DYNC2H1: variants seen among roughly 807,000 people sequenced by gnomAD.
The protein encoded by DYNC2H1 is dynein cytoplasmic 2 heavy chain 1.
In DYNC2H1, 410 loss-of-function variants were observed where a neutral mutation model predicts 570.0. The observed-to-expected ratio is 0.72, with a 90% confidence interval of 0.66 to 0.78. The LOEUF is 0.78. Ranked by LOEUF, DYNC2H1 falls within the 30% of genes least tolerant of loss-of-function variation. DYNC2H1 has a pLI of 0.00. For synonymous variants in DYNC2H1, 1,688 were observed against 1,677.6 expected, an observed-to-expected ratio of 1.01 and a Z score of -0.15; for missense variants, 4,865 against 5,046.4, an observed-to-expected ratio of 0.96 and a Z score of 1.09.
chr11:103,440,563 A>G (rs1274103995), intron 85 of DYNC2H1, among the ~76,000 whole-genome samples: 2 of 152,160 alleles, frequency 1.3e-5, no homozygotes, highest in East Asian at 3.8e-4. Context: ...TCTAAGCAAT[A>G]AATAGCATTA....
intron 83 of DYNC2H1, among the ~76,000 whole-genome samples, chr11:103,377,367 ACT>A (rs1019925935): frequency 9.3e-5 from 14 of 150,952 alleles, no homozygotes; most frequent in African/African-American, 2.7e-4. Context: ...AAGTTCAGAG[ACT>A]CTTTTTTTCT....
chr11:103,232,352 A>G (rs956738360), intron 60 of DYNC2H1, among the ~76,000 whole-genome samples: 13 of 152,118 alleles, frequency 8.5e-5, no homozygotes, highest in African/African-American at 2.6e-4. Flanking sequence ...TTGAGCAGCT[A>G]GTAAAATACT....
chr11:103,470,147 A>G lies in DYNC2H1; in HGVS notation c.12765+1442A>G, dbSNP rs148260304. Among the ~76,000 whole-genome samples, 690 of 152,302 alleles carry G rather than the reference A, an allele frequency of 4.5e-3. 5 individuals carry two copies. Among genetic ancestry groups the G allele is most frequent in the African/African-American group, 0.015 (644 of 41,574 alleles). On this transcript the variant is annotated intron_variant, in intron 88 of 88. Coordinates refer to ENST00000375735, the MANE Select transcript of DYNC2H1 (RefSeq NM_001377.3). The stretch of plus-strand genomic sequence containing the variant: ...GAGCCATACCCACGTACTGAACGCA[A>G]ATCAGGAATGCAGTGCTGTCATGGA...
chr11:103,413,003 A>AC (rs141707983), intron 84 of DYNC2H1, among the ~76,000 whole-genome samples: 8,070 of 151,694 alleles, frequency 0.053, 265 homozygotes, highest in Non-Finnish European at 0.077. Flanking sequence ...TTCTTGTACC[A>AC]CCCCCCACCT....
intron 84 of DYNC2H1, among the ~76,000 whole-genome samples, chr11:103,416,378 C>T (rs984481707): frequency 6.6e-6 from 1 of 152,110 alleles, no homozygotes; most frequent in Non-Finnish European, 1.5e-5. Context: ...ATAGCCAAGA[C>T]AATCCTAAGC....
At chr11:103,397,293 T>C (rs1942439215) in intron 83 of DYNC2H1, among the ~76,000 whole-genome samples, 1 of 151,746 alleles carries the variant, frequency 6.6e-6, no homozygotes, top group Non-Finnish European at 1.5e-5. Flanking sequence ...TACAATTCAA[T>C]CAATTGTATT....
intron 70 of DYNC2H1, among the ~76,000 whole-genome samples, chr11:103,269,303 C>T (rs959487820): frequency 3.9e-5 from 6 of 152,158 alleles, no homozygotes; most frequent in Non-Finnish European, 7.4e-5. Flanking sequence ...TCAGAAAGCA[C>T]ATTAATCATA....
chr11:103,170,120 A>G lies in DYNC2H1; in HGVS notation c.4981A>G (p.Lys1661Glu). The G allele has an allele frequency of 6.2e-7, 1 of 1,611,172 alleles. No individual in the cohort carries two copies. Among genetic ancestry groups the G allele is most frequent in the Non-Finnish European group, 8.5e-7 (1 of 1,178,610 alleles). Residue 1661 changes from lysine to glutamate, a missense_variant, in exon 33 of 89, where the codon AAA becomes GAA. This residue lies in a region of DYNC2H1 where 1,936 missense variants were observed against 1,962.1 expected (regional missense o/e 0.99). Transcript: ENST00000375735. The surrounding 1 kb of genome is among the most constrained non-coding windows in gnomAD (Gnocchi z 4.8). Reference protein sequence around the residue: ...YTYEYQGNASKLVYTPLTDKC... With the variant: ...YTYEYQGNASELVYTPLTDKC... ...TGTTCTTGTATAGGGTAATGCTTCC[A>G]AACTGGTTTATACTCCACTGACAGA...
Position 103,187,411 on chromosome 11 carries a change from C to A in DYNC2H1, c.6965C>A (p.Thr2322Asn), listed in dbSNP as rs748716379. Residue 2322 changes from threonine (T) to asparagine (N), a missense_variant, in exon 43 of 89, where the codon ACC becomes AAC. Thr to Asn is a moderately conservative substitution (Grantham distance 65). Around this residue, in one of 5 missense-constraint regions of DYNC2H1, gnomAD observed 2,401 missense variants for 2,454.6 expected, o/e 0.98. Coordinates refer to ENST00000375735, the MANE Select transcript of DYNC2H1 (RefSeq NM_001377.3). ...GCTACAGTTCACTGTAGTGCACAAA[C>A]CACTTCTCGACATCTCCTGCAGAAA... The part of the protein sequence containing the change: ...QIATVHCSAQ[T>N]TSRHLLQKLS... 5 of 1,613,240 alleles carry A rather than the reference C, an allele frequency of 3.1e-6. No individual in the cohort carries two copies. The South Asian group carries it at 4.4e-5, about 14-fold the overall frequency.
intron 30 of DYNC2H1, among the ~76,000 whole-genome samples, chr11:103,165,119 A>G (rs1327604549): frequency 6.6e-6 from 1 of 152,168 alleles, no homozygotes; most frequent in Non-Finnish European, 1.5e-5. Flanking sequence ...ACCATAATGT[A>G]ATATTTACAG....
chr11:103,382,791 T>C (rs1452411306), intron 83 of DYNC2H1, among the ~76,000 whole-genome samples: 1 of 152,244 alleles, frequency 6.6e-6, no homozygotes, highest in Non-Finnish European at 1.5e-5. Context: ...ATATGTTTCA[T>C]TCCTTTTGAT....
At position 103,241,341 on chromosome 11, in the gene DYNC2H1, T is replaced by G. The variant is rs533573587; in HGVS notation, c.9820-2352T>G. On this transcript the variant is annotated intron_variant, in intron 63 of 88. Coordinates refer to ENST00000375735, the MANE Select transcript of DYNC2H1 (RefSeq NM_001377.3). The surrounding 1 kb of genome is among the most constrained non-coding windows in gnomAD (Gnocchi z 5.1). Reference sequence around the variant, plus strand: ...TTTTGGATTGAGTATAGTTGTAGAATTTAACTATATTTAATCATGGAATAC... The same window carrying G: ...TTTTGGATTGAGTATAGTTGTAGAAGTTAACTATATTTAATCATGGAATAC... Among the ~76,000 whole-genome samples, 1 of 152,174 alleles carries G rather than the reference T, an allele frequency of 6.6e-6. No individual in the cohort carries two copies. The highest frequency in any genetic ancestry group is 1.5e-5 in the Non-Finnish European group (1 of 68,022).
At chr11:103,467,598 C>T (rs887304237) in intron 87 of DYNC2H1, among the ~76,000 whole-genome samples, 5 of 152,074 alleles carry the variant, frequency 3.3e-5, no homozygotes, top group South Asian at 4.1e-4. Context: ...AGTGTGGTGG[C>T]GCGATCTCGG....
At chr11:103,291,445 A>AAATAAATAAAT (rs370415551) in intron 75 of DYNC2H1, among the ~76,000 whole-genome samples, 24,747 of 151,636 alleles carry the variant, frequency 0.16, 2,201 homozygotes, top group Admixed American at 0.25. Flanking sequence ...CTCAATAAAT[A>AAATAAATAAAT]AATAAATAAA....
At chr11:103,433,576 G>GGAGTGTCAAATAATT (rs1381904742) in intron 84 of DYNC2H1, among the ~76,000 whole-genome samples, 3 of 152,070 alleles carry the variant, frequency 2.0e-5, no homozygotes, top group African/African-American at 4.8e-5. Context: ...GTGAGTGAGA[G>GGAGTGTCAAATAATT]GAGTGTCAAA....
intron 85 of DYNC2H1, among the ~76,000 whole-genome samples, chr11:103,444,575 T>G (rs2135777008): frequency 6.6e-6 from 1 of 152,296 alleles, no homozygotes; most frequent in South Asian, 2.1e-4. Context: ...GAATTAAACT[T>G]TATTTCTAAT....
intron 55 of DYNC2H1, among the ~76,000 whole-genome samples, chr11:103,216,369 T>G (rs1863383810): frequency 6.6e-6 from 1 of 152,200 alleles, no homozygotes; most frequent in Non-Finnish European, 1.5e-5. Context: ...TTTGCCCCAG[T>G]ATTTTATGTC....
intron 87 of DYNC2H1, among the ~76,000 whole-genome samples, chr11:103,463,027 A>C (rs952352423): frequency 1.3e-5 from 2 of 152,214 alleles, no homozygotes; most frequent in African/African-American, 4.8e-5. Flanking sequence ...GTTCTCAAAA[A>C]TTATGTTTGC....
At chr11:103,167,565 G>T (rs980826830) in intron 31 of DYNC2H1, among the ~76,000 whole-genome samples, 3 of 152,100 alleles carry the variant, frequency 2.0e-5, no homozygotes, top group African/African-American at 7.2e-5. Context: ...TCTTTGCCCG[G>T]CAATAATAGT....
Sources: gnomAD v4.1 joint callset for allele counts (sites outside exome capture counted in the v4.1 genomes callset) on GRCh38, gnomAD v4.1.1 for gene constraint, gnomAD v4.1.1 regional missense constraint, Gnocchi (gnomAD v3.1) non-coding constraint, MANE v1.5 for transcripts, NCBI Gene and HGNC (gene_info 2026-07-23, HGNC 2026-07-21) for gene names.